Variants in RAPGEF1 observed in about 807,000 individuals in gnomAD.
RAPGEF1 encodes the protein CRK SH3-binding GNRP.
In RAPGEF1, 33 loss-of-function variants were observed where a neutral mutation model predicts 143.3. The ratio of observed to expected loss-of-function variants is 0.23; its 90% CI spans 0.17 to 0.31. RAPGEF1 has a LOEUF of 0.31. Among genes scored for constraint, RAPGEF1 ranks in the 10% least tolerant of loss-of-function variants. The pLI, the probability that RAPGEF1 is intolerant of heterozygous loss-of-function variation, is 1.00. For synonymous variants in RAPGEF1, 629 were observed against 676.5 expected (o/e 0.93, Z 1.09); for missense variants, 1,199 against 1,645.4 (o/e 0.73, Z 4.69).
intron 1 of RAPGEF1, among the ~76,000 whole-genome samples, chr9:131,734,108 T>A (rs1406478210): frequency 6.6e-6 from 1 of 152,198 alleles, no homozygotes; most frequent in African/African-American, 2.4e-5. Flanking sequence ...TAGATCTTTT[T>A]TTTCAAAGAT....
In RAPGEF1 at chr9:131,621,358, C is replaced by T. The variant is rs1163990782; in HGVS notation, c.1905+438G>A. On this transcript the variant is annotated intron_variant, in intron 11 of 26. Transcript: ENST00000683357. The surrounding 1 kb of genome is among the most constrained non-coding windows in gnomAD (Gnocchi z 4.5). ...CCGGCCAAGGCTGGGTTGTAAGTCA[C>T]TCTACACAGTTAGGCCCATTATGCC... Among the ~76,000 whole-genome samples, 1 of 152,208 alleles carries T rather than the reference C, an allele frequency of 6.6e-6. No homozygotes were observed. The highest frequency in any genetic ancestry group is 2.4e-5 in the African/African-American group (1 of 41,450).
rs1382213378 is a variant in RAPGEF1, at chr9:131,603,949, G to A, written c.2412+12C>T. ...CCAGGCCACATGCAGGAGGCCGCCC[G>A]AGGTTACTTACTCCTCGAGAGGGAG... is the stretch of plus-strand genomic sequence containing the variant. On this transcript the variant is annotated intron_variant, in intron 14 of 26. Coordinates refer to ENST00000683357, the MANE Select transcript of RAPGEF1 (RefSeq NM_001377935.1). 5.3e-6 allele frequency: 7 copies of A among 1,309,856 alleles called. No individual in the cohort carries two copies. The highest frequency in any genetic ancestry group is 5.3e-5 in the East Asian group (1 of 18,790). 81.1% of individuals were successfully genotyped at this position (1,309,856 alleles called of 1,614,324 possible). A position where few individuals can be genotyped will look rare whatever the true frequency, so the allele number is the denominator to read the frequency against.
At chr9:131,618,261 T>C (rs1959442157) in intron 12 of RAPGEF1, among the ~76,000 whole-genome samples, 1 of 152,226 alleles carries the variant, frequency 6.6e-6, no homozygotes, top group Non-Finnish European at 1.5e-5. Flanking sequence ...GCCAGCCTGA[T>C]GGAAGTGACA....
chr9:131,584,189 G>C lies in RAPGEF1; in HGVS notation c.3414+122C>G. ...CTGGTCACACAGCATGTCGGTGGCA[G>C]AGCAGGGGCCTAGGCCCAGCATTTG... is the stretch of plus-strand genomic sequence containing the variant. On this transcript the variant is annotated intron_variant, in intron 24 of 26. Coordinates refer to ENST00000683357, the MANE Select transcript of RAPGEF1 (RefSeq NM_001377935.1). This position sits in a 1 kb window ranked among gnomAD's most constrained non-coding sequence, Gnocchi z 6.8. 2 of 886,826 alleles carry C rather than the reference G, an allele frequency of 2.3e-6. No individual in the cohort carries two copies. The highest frequency in any genetic ancestry group is 3.2e-5 in the South Asian group (2 of 63,116). 54.9% of individuals were successfully genotyped at this position (886,826 alleles called of 1,614,324 possible). A position where few individuals can be genotyped will look rare whatever the true frequency, so the allele number is the denominator to read the frequency against.
At chr9:131,698,153 A>T (rs1834334183) in intron 1 of RAPGEF1, among the ~76,000 whole-genome samples, 1 of 152,194 alleles carries the variant, frequency 6.6e-6, no homozygotes, top group African/African-American at 2.4e-5. Flanking sequence ...CACAGTAAAC[A>T]TGCAAGCCAC....
chr9:131,702,024 G>A (rs1224253244), intron 1 of RAPGEF1, among the ~76,000 whole-genome samples: 4 of 152,128 alleles, frequency 2.6e-5, no homozygotes, highest in Non-Finnish European at 2.9e-5. Flanking sequence ...ACGCCCTGAC[G>A]TTCTACACTA....
chr9:131,731,510 G>A (rs1837072353), intron 1 of RAPGEF1, among the ~76,000 whole-genome samples: 2 of 152,196 alleles, frequency 1.3e-5, no homozygotes, highest in South Asian at 2.1e-4. Context: ...TCCACTGGAT[G>A]TCAGCTGTCC....
chr9:131,719,591 C>T (rs191212099), intron 1 of RAPGEF1, among the ~76,000 whole-genome samples: 2 of 124,896 alleles, frequency 1.6e-5, no homozygotes, highest in East Asian at 5.4e-4. Flanking sequence ...GACAGTCTCA[C>T]TCTGTCACCC....
At chr9:131,582,810 G>A in intron 24 of RAPGEF1, 108 bp from the exon 25 acceptor site, 1 of 921,622 alleles carries the variant, frequency 1.1e-6, no homozygotes, top group Non-Finnish European at 1.6e-6. Context: ...ACCACCCTCT[G>A]CCCAACTCCA....
At chr9:131,590,478 G>A (rs1019595054) in intron 18 of RAPGEF1, among the ~76,000 whole-genome samples, 1 of 152,152 alleles carries the variant, frequency 6.6e-6, no homozygotes, top group Non-Finnish European at 1.5e-5. Context: ...ACACCGGGCC[G>A]GGTCTCTCTT....
At chr9:131,606,515 G>C (rs1436969640) in intron 12 of RAPGEF1, among the ~76,000 whole-genome samples, 1 of 152,212 alleles carries the variant, frequency 6.6e-6, no homozygotes, top group Non-Finnish European at 1.5e-5. Flanking sequence ...GTGCAAATGT[G>C]CGTGCCACTC....
chr9:131,595,386 C>T (rs951457347), intron 17 of RAPGEF1, among the ~76,000 whole-genome samples: 2 of 152,202 alleles, frequency 1.3e-5, no homozygotes, highest in African/African-American at 2.4e-5. Context: ...AGAAATTCCC[C>T]GAGTCACTCT....
chr9:131,652,090 G>A (rs1276607110), intron 1 of RAPGEF1, among the ~76,000 whole-genome samples: 1 of 152,178 alleles, frequency 6.6e-6, no homozygotes, highest in African/African-American at 2.4e-5. Flanking sequence ...GGGAGTAAAT[G>A]TGAAGGTCTA....
At chr9:131,712,258 C>T (rs1835561571) in intron 1 of RAPGEF1, among the ~76,000 whole-genome samples, 1 of 152,168 alleles carries the variant, frequency 6.6e-6, no homozygotes, top group Admixed American at 6.5e-5. Flanking sequence ...TGAAAACTAA[C>T]AGTTGCACAG....
chr9:131,617,696 C>T (rs546960236), intron 12 of RAPGEF1, among the ~76,000 whole-genome samples: 29 of 152,110 alleles, frequency 1.9e-4, no homozygotes, highest in Non-Finnish European at 3.8e-4. Flanking sequence ...TACTACATAC[C>T]TAGACATTTC....
intron 1 of RAPGEF1, among the ~76,000 whole-genome samples, chr9:131,698,536 T>A (rs1222293699): frequency 6.6e-6 from 1 of 152,256 alleles, no homozygotes; most frequent in African/African-American, 2.4e-5. Flanking sequence ...AACGATTCCC[T>A]GCTCCTCATA....
Position 131,718,264 on chromosome 9 carries a change from G to A in RAPGEF1, c.61+21506C>T, listed in dbSNP as rs536972910. Among the ~76,000 whole-genome samples the A allele has an allele frequency of 6.6e-5, 10 of 152,318 alleles. No individual in the cohort carries two copies. In the South Asian group the frequency reaches 1.7e-3, roughly 25 times the overall value. Reference sequence around the variant, plus strand: ...GCCAGTGTGGCTGGGACACAGTGACGGGGAGAGGGGTGTCAGGGAGTGAGT... The same window carrying A: ...GCCAGTGTGGCTGGGACACAGTGACAGGGAGAGGGGTGTCAGGGAGTGAGT... On this transcript the variant is annotated intron_variant, in intron 1 of 26. Coordinates refer to ENST00000683357, the MANE Select transcript of RAPGEF1 (RefSeq NM_001377935.1).
chr9:131,677,065 T>C (rs190892064), intron 1 of RAPGEF1, among the ~76,000 whole-genome samples: 12 of 152,364 alleles, frequency 7.9e-5, no homozygotes, highest in Middle Eastern at 3.4e-3. Context: ...CTCCTATCTG[T>C]AGTGCTACTG....
At chr9:131,608,718 A>G (rs1957514409) in intron 12 of RAPGEF1, among the ~76,000 whole-genome samples, 1 of 152,142 alleles carries the variant, frequency 6.6e-6, no homozygotes, top group Non-Finnish European at 1.5e-5. Flanking sequence ...ACACAGGGAA[A>G]ACCTTCTGAT....
Sources: gnomAD v4.1 joint callset for allele counts (sites outside exome capture counted in the v4.1 genomes callset) on GRCh38, gnomAD v4.1.1 for gene constraint, Gnocchi (gnomAD v3.1) non-coding constraint, MANE v1.5 for transcripts, NCBI Gene and HGNC (gene_info 2026-07-23, HGNC 2026-07-21) for gene names.